Variants in MTMR3 observed in about 807,000 individuals in gnomAD.
The protein encoded by MTMR3 is phosphatidylinositol-3,5-bisphosphate 3-phosphatase MTMR3.
Under a neutral mutation model 132.4 loss-of-function variants are expected in MTMR3, and 32 were observed. The observed-to-expected ratio is 0.24, with a 90% CI of 0.18 to 0.32. MTMR3 has a LOEUF of 0.32. MTMR3 is among the 10% of genes least tolerant of loss of function. The probability of loss-of-function intolerance (pLI) is 1.00; values close to 1 mark genes in which losing one functional copy is unlikely to be tolerated. For missense variants in MTMR3, 1,216 were observed against 1,489.6 expected (o/e 0.82, Z 3.02); for synonymous variants, 556 against 550.3 (o/e 1.01, Z -0.14).
intron 1 of MTMR3, among the ~76,000 whole-genome samples, chr22:29,914,113 A>G (rs941739997): frequency 6.6e-6 from 1 of 152,190 alleles, no homozygotes; most frequent in Admixed American, 6.5e-5. Context: ...TTGTGTGGAC[A>G]TATATTTTCA....
At chr22:29,892,613 C>T (rs1158262289) in intron 1 of MTMR3, among the ~76,000 whole-genome samples, 1 of 152,150 alleles carries the variant, frequency 6.6e-6, no homozygotes, top group Non-Finnish European at 1.5e-5. Flanking sequence ...GCCTGCCCCC[C>T]AACCCCTATA....
chr22:29,966,605 A>G (rs2066420429), intron 2 of MTMR3, among the ~76,000 whole-genome samples: 1 of 152,098 alleles, frequency 6.6e-6, no homozygotes, highest in Non-Finnish European at 1.5e-5. Flanking sequence ...TTCATTCTAT[A>G]CTAGTTCATT....
At position 29,935,821 on chromosome 22, in the gene MTMR3, C is replaced by T. The variant is rs543122783; in HGVS notation, c.-137-21215C>T. ...AGGCTGGAGTGCAGTGGTGCAATCT[C>T]GGCTCACTGCAGGCTCTGCCTCCCA... On this transcript the variant is annotated intron_variant, in intron 1 of 19. Transcript: ENST00000401950. Among the ~76,000 whole-genome samples the T allele has an allele frequency of 6.4e-5, 9 of 140,686 alleles. No homozygotes were observed. In the South Asian group the frequency reaches 1.3e-3, roughly 21 times the overall value. The allele number at this position is 140,686 out of a possible 152,430, so 92.3% of individuals were successfully genotyped here.
intron 1 of MTMR3, among the ~76,000 whole-genome samples, chr22:29,889,005 A>T (rs979750814): frequency 6.6e-6 from 1 of 152,086 alleles, no homozygotes; most frequent in African/African-American, 2.4e-5. Flanking sequence ...TAAGGAAATT[A>T]TAAGTATATT....
rs2066674841 is a variant in MTMR3 at position 29,978,514 on chromosome 22, G to A, written c.76G>A (p.Glu26Lys). The stretch of plus-strand genomic sequence containing the variant: ...CTTTCCCAGGAAGCAGCTGATCCGG[G>A]AGGATGAGAATCTTCAGGTAATTAT... ...QIFPRKQLIR[E>K]DENLQVPFLE... is the part of the protein sequence containing the mutation. The change falls in exon 4 of 20, where the codon GAG (glutamate) becomes AAG (lysine). Residue 26 changes from glutamate (E) to lysine (K), a missense_variant. Glu to Lys is a moderately conservative substitution (Grantham distance 56). Coordinates refer to ENST00000401950, the MANE Select transcript of MTMR3 (RefSeq NM_021090.4). 6.2e-7 allele frequency: 1 copy of A among 1,613,442 alleles called. No individual in the cohort carries two copies. The highest frequency in any genetic ancestry group is 1.3e-5 in the African/African-American group (1 of 74,922).
intron 1 of MTMR3, among the ~76,000 whole-genome samples, chr22:29,925,925 A>C (rs1490953350): frequency 4.6e-5 from 7 of 152,194 alleles, no homozygotes. Context: ...AAAAAATAAA[A>C]TAAAATAAAA....
At chr22:29,893,358 C>T (rs1295908616) in intron 1 of MTMR3, among the ~76,000 whole-genome samples, 4 of 152,106 alleles carry the variant, frequency 2.6e-5, no homozygotes, top group Admixed American at 6.6e-5. Context: ...ACTCCTGTGG[C>T]AAGACTGTAT....
Position 30,022,132 on chromosome 22 carries a change from A to G in MTMR3, c.3329A>G (p.Asp1110Gly). The G allele has an allele frequency of 1.9e-6, 3 of 1,611,322 alleles. No individual in the cohort carries two copies. The highest frequency in any genetic ancestry group is 2.5e-6 in the Non-Finnish European group (3 of 1,177,416). ...EASWEQVDKQ[D>G]TEMTRWLPDH... ...AGCTGGGAGCAGGTGGATAAACAGG[A>G]CACAGAGGTACAGGCTCAGCCCCTG... Residue 1110 changes from aspartate (D) to glycine (G), a missense_variant, in exon 18 of 20, where the codon GAC (aspartate) becomes GGC (glycine). Transcript: ENST00000401950.
At chr22:29,886,959 T>G (rs2064689526) in intron 1 of MTMR3, among the ~76,000 whole-genome samples, 1 of 152,198 alleles carries the variant, frequency 6.6e-6, no homozygotes, top group Admixed American at 6.5e-5. Context: ...ATAGATAAAT[T>G]TATAATCAGT....
At chr22:29,892,527 A>G (rs767383052) in intron 1 of MTMR3, among the ~76,000 whole-genome samples, 4 of 152,178 alleles carry the variant, frequency 2.6e-5, no homozygotes, top group Non-Finnish European at 4.4e-5. Context: ...GCCTATAACA[A>G]ACTTTCCATG....
chr22:29,965,670 G>T (rs555310141), intron 2 of MTMR3, among the ~76,000 whole-genome samples: 1 of 152,316 alleles, frequency 6.6e-6, no homozygotes, highest in Non-Finnish European at 1.5e-5. Context: ...GAGCGATAGA[G>T]CGAGACTCTG....
chr22:29,896,179 G>A (rs564827492), intron 1 of MTMR3, among the ~76,000 whole-genome samples: 2 of 152,156 alleles, frequency 1.3e-5, no homozygotes, highest in African/African-American at 4.8e-5. Context: ...GCATGGTGGC[G>A]GGCATGTGTA....
rs568654475 is a variant in MTMR3, at chr22:29,925,498, A to T, written c.-137-31538A>T. On this transcript the variant is annotated intron_variant, in intron 1 of 19. Transcript: ENST00000401950. ...TCTTAAAAGAGTAAATTTCATTTTA[A>T]AAAGAAGGAACCAGGAGTAAGAATG... Among the ~76,000 whole-genome samples, 242 of 152,322 alleles carry T rather than the reference A, an allele frequency of 1.6e-3. 1 individual carries two copies. Among genetic ancestry groups the T allele is most frequent in the African/African-American group, 5.6e-3 (231 of 41,564 alleles).
At chr22:29,930,562 CAT>C (rs2065621147) in intron 1 of MTMR3, among the ~76,000 whole-genome samples, 1 of 152,064 alleles carries the variant, frequency 6.6e-6, no homozygotes, top group Non-Finnish European at 1.5e-5. Context: ...CGTGGTGGCA[CAT>C]GTGTGTAGTC....
chr22:30,008,097 G>T, intron 11 of MTMR3, 65 bp downstream of exon 11: 1 of 1,575,768 alleles, frequency 6.3e-7, no homozygotes, highest in South Asian at 1.1e-5. Context: ...GCCCAACTGA[G>T]ACTTAGTTCC....
chr22:29,977,882 C>T (rs772610928), intron 3 of MTMR3, among the ~76,000 whole-genome samples: 4 of 152,120 alleles, frequency 2.6e-5, no homozygotes, highest in Non-Finnish European at 5.9e-5. Flanking sequence ...CACAGTGGCT[C>T]ATGTCTGTTA....
chr22:29,913,433 T>G (rs1294425465), intron 1 of MTMR3, among the ~76,000 whole-genome samples: 2 of 152,232 alleles, frequency 1.3e-5, no homozygotes, highest in Non-Finnish European at 2.9e-5. Context: ...GGGAAAATAC[T>G]GGTCTTAACC....
rs1225724418 is a variant in MTMR3, at chr22:29,901,905, A to G, written c.-138+18546A>G. On this transcript the variant is annotated intron_variant, in intron 1 of 19. Coordinates refer to ENST00000401950, the MANE Select transcript of MTMR3 (RefSeq NM_021090.4). ...TATCAGTAATTACTTTCTGTTGTTT[A>G]GGAGCATTCCATTGTATGGATGTAC... 3.3e-5 allele frequency among the ~76,000 whole-genome samples: 5 copies of G among 152,196 alleles called. No individual in the cohort carries two copies. In the South Asian group the frequency reaches 6.2e-4, roughly 19 times the overall value.
chr22:29,979,043 T>C lies in MTMR3; in HGVS notation c.201T>C (p.Ser67=). The change falls in exon 5 of 20, where the codon TCT becomes TCC. Residue 67 remains serine (S), a synonymous_variant. Transcript: ENST00000401950. The part of the protein sequence containing the change: ...NYRLHIKFKE[S]LVNVPLQLIE... ...GACTTCACATCAAGTTCAAGGAGTC[T>C]CTTGTTAATGTAAGTGATTACCAGC... is the stretch of plus-strand genomic sequence containing the variant. 2 of 1,604,548 alleles carry C rather than the reference T, an allele frequency of 1.2e-6. No homozygotes were observed. The highest frequency in any genetic ancestry group is 2.2e-5 in the South Asian group (2 of 90,880).
Sources: gnomAD v4.1 joint callset for allele counts (sites outside exome capture counted in the v4.1 genomes callset) on GRCh38, gnomAD v4.1.1 for gene constraint, MANE v1.5 for transcripts, NCBI Gene and HGNC (gene_info 2026-07-23, HGNC 2026-07-21) for gene names.